Variants in PPP1R42 observed in about 807,000 individuals in gnomAD.
PPP1R42 encodes leucine rich repeat containing 67.
PPP1R42 carries 34 observed loss-of-function variants against 31.0 expected under a neutral mutation model. That is an observed-to-expected ratio of 1.10 (90% CI 0.83 to 1.46). The LOEUF is 1.46. Among genes scored for constraint, PPP1R42 ranks in the 40% most tolerant of loss-of-function variants. PPP1R42 has a pLI of 0.00. For synonymous variants in PPP1R42, 103 were observed against 109.8 expected, an observed-to-expected ratio of 0.94 and a Z score of 0.39; for missense variants, 268 against 303.0, an observed-to-expected ratio of 0.88 and a Z score of 0.86.
At chr8:67,014,274 G>GT (rs1423472004) in intron 3 of PPP1R42, 152 bp downstream of exon 3, 41 of 433,390 alleles carry the variant, frequency 9.5e-5, no homozygotes, top group Middle Eastern at 6.2e-4. Flanking sequence ...GAATCATATG[G>GT]TTTTTTTTCA....
chr8:66,984,693 A>G (rs575062023), intron 6 of PPP1R42: 95 of 1,577,958 alleles, frequency 6.0e-5, no homozygotes, highest in South Asian at 5.0e-4. Flanking sequence ...TGGCCTCTTC[A>G]TGCAATTTCT....
chr8:66,974,779 A>G (rs1814624608), intron 7 of PPP1R42, among the ~76,000 whole-genome samples: 1 of 152,222 alleles, frequency 6.6e-6, no homozygotes, highest in Non-Finnish European at 1.5e-5. Context: ...GCACCTTGTC[A>G]AAGATCAATT....
intron 6 of PPP1R42, chr8:66,984,408 C>A: frequency 7.6e-7 from 1 of 1,313,554 alleles, no homozygotes; most frequent in East Asian, 2.3e-5. Context: ...GCTTCAATTT[C>A]TTCTGGGTCT....
At chr8:66,983,817 C>CT (rs1292440770) in intron 6 of PPP1R42, among the ~76,000 whole-genome samples, 11 of 151,360 alleles carry the variant, frequency 7.3e-5, no homozygotes, top group African/African-American at 2.7e-4. Flanking sequence ...ATTTCATGTA[C>CT]TTTTTTTTTC....
chr8:66,977,020 G>GTT (rs1245202548), intron 7 of PPP1R42, among the ~76,000 whole-genome samples: 2 of 148,886 alleles, frequency 1.3e-5, no homozygotes, highest in African/African-American at 4.9e-5. Context: ...CTATTTGTAG[G>GTT]TTTTTGTTTT....
chr8:67,021,725 T>G (rs1274276989), intron 1 of PPP1R42, among the ~76,000 whole-genome samples: 1 of 152,168 alleles, frequency 6.6e-6, no homozygotes, highest in Non-Finnish European at 1.5e-5. Flanking sequence ...CTACTCATGT[T>G]TTTATGCTTT....
chr8:66,984,259 C>T (rs1814934313), intron 6 of PPP1R42: 1 of 1,460,848 alleles, frequency 6.8e-7, no homozygotes, highest in Non-Finnish European at 9.6e-7. Flanking sequence ...CTCTCCAAAG[C>T]TCCGGTCTTT....
chr8:67,017,901 C>A (rs1476242760), intron 1 of PPP1R42, 70 bp from the exon 2 acceptor site: 1 of 733,866 alleles, frequency 1.4e-6, no homozygotes. Context: ...CTGACTTACT[C>A]TTTAAATAAT....
rs570555073 is a variant in PPP1R42 at position 66,988,387 on chromosome 8, T to A, written c.670+13A>T. 1 of 1,407,850 alleles carries A rather than the reference T, an allele frequency of 7.1e-7. No homozygotes were observed. The highest frequency in any genetic ancestry group is 1.7e-5 in the South Asian group (1 of 57,168). 87.2% of individuals were successfully genotyped at this position (1,407,850 alleles called of 1,614,324 possible). On this transcript the variant is annotated intron_variant, in intron 6 of 7. Coordinates refer to ENST00000685739, the MANE Select transcript of PPP1R42 (RefSeq NM_001364910.1). The stretch of plus-strand genomic sequence containing the variant: ...GTCATTCTCTTAAAAATTATATTAA[T>A]ATAAATATGTACCCAGTGATTTGGA...
At chr8:67,009,668 TGC>T (rs1308559070) in intron 5 of PPP1R42, among the ~76,000 whole-genome samples, 10 of 152,236 alleles carry the variant, frequency 6.6e-5, no homozygotes, top group Non-Finnish European at 1.0e-4. Flanking sequence ...AATTGAGTTG[TGC>T]TTCCTAAGGT....
chr8:67,003,695 A>T (rs1048914250), intron 5 of PPP1R42, among the ~76,000 whole-genome samples: 1 of 152,138 alleles, frequency 6.6e-6, no homozygotes, highest in African/African-American at 2.4e-5. Flanking sequence ...TGTGGTCCAA[A>T]TGTGTCCCCC....
intron 5 of PPP1R42, among the ~76,000 whole-genome samples, chr8:66,993,172 T>C (rs1196274767): frequency 6.6e-6 from 1 of 152,182 alleles, no homozygotes; most frequent in Non-Finnish European, 1.5e-5. Context: ...CCAAGTCTTA[T>C]CCACTTTACT....
intron 5 of PPP1R42, among the ~76,000 whole-genome samples, chr8:66,993,917 A>T (rs1330511589): frequency 6.6e-6 from 1 of 152,210 alleles, no homozygotes; most frequent in African/African-American, 2.4e-5. Context: ...TATAGGGAGA[A>T]ATAAGATGGA....
In PPP1R42 at chr8:67,003,754, G is replaced by T. The variant is rs1372243019; in HGVS notation, c.552+6961C>A. On this transcript the variant is annotated intron_variant, in intron 5 of 7. Transcript: ENST00000685739. ...TTTTTCCCCTGCCTTATTCTTCCTG[G>T]ACATATGTTGAAACTTAATTGCCAA... Among the ~76,000 whole-genome samples, 7 of 152,020 alleles carry T rather than the reference G, an allele frequency of 4.6e-5. No individual in the cohort carries two copies. In the East Asian group the frequency reaches 1.3e-3, roughly 29 times the overall value.
At chr8:66,986,401 C>T (rs1240362511) in intron 6 of PPP1R42, among the ~76,000 whole-genome samples, 3 of 152,184 alleles carry the variant, frequency 2.0e-5, no homozygotes, top group African/African-American at 7.2e-5. Flanking sequence ...CTACAGCTCA[C>T]AAACTTCAGC....
chr8:66,991,146 C>T (rs1815177783), intron 5 of PPP1R42, among the ~76,000 whole-genome samples: 1 of 152,118 alleles, frequency 6.6e-6, no homozygotes, highest in Non-Finnish European at 1.5e-5. Context: ...ATTTAGCAAA[C>T]TTTACAGACT....
chr8:66,964,180 G>T lies in PPP1R42; in HGVS notation c.*141C>A. On this transcript the variant is annotated 3_prime_UTR_variant, in exon 8 of 8. Transcript: ENST00000685739. ...AGATATTGTTGCCTAGTCATATAAG[G>T]TTAAAAACAAAATCAAACGTTTCCT... is the stretch of plus-strand genomic sequence containing the variant. 1.9e-6 allele frequency: 1 copy of T among 523,698 alleles called. No homozygotes were observed. Among genetic ancestry groups the T allele is most frequent in the Non-Finnish European group, 3.4e-6 (1 of 291,084 alleles). The allele number at this position is 523,698 out of a possible 1,614,324, so 32.4% of individuals were successfully genotyped here. A position where few individuals can be genotyped will look rare whatever the true frequency, so the allele number is the denominator to read the frequency against.
chr8:66,980,817 CATGG>C (rs531874980), intron 7 of PPP1R42, among the ~76,000 whole-genome samples: 5 of 151,804 alleles, frequency 3.3e-5, no homozygotes, highest in African/African-American at 4.8e-5. Context: ...ATTGCAATGT[CATGG>C]GCTAAAAAAT....
chr8:66,977,236 A>G (rs1814702963), intron 7 of PPP1R42, among the ~76,000 whole-genome samples: 2 of 151,402 alleles, frequency 1.3e-5, no homozygotes, highest in Admixed American at 6.6e-5. Context: ...AGGTTTCACC[A>G]TCTTGGCTAG....
Sources: allele counts gnomAD v4.1 joint callset (sites outside exome capture counted in the v4.1 genomes callset), GRCh38; gene constraint gnomAD v4.1.1; transcripts MANE v1.5; gene names NCBI Gene and HGNC (gene_info 2026-07-23, HGNC 2026-07-21).